The following FCHSD2 variants were observed in gnomAD, a reference collection of about 807,000 sequenced individuals.
The protein encoded by FCHSD2 is F-BAR and double SH3 domains protein 2.
In FCHSD2, 38 loss-of-function variants were observed where a neutral mutation model predicts 108.1. The ratio of observed to expected loss-of-function variants is 0.35; its 90% CI spans 0.27 to 0.46. The LOEUF (loss-of-function observed/expected upper bound fraction) is 0.46, where lower values mean the gene tolerates loss of function less well. FCHSD2 is among the 20% of genes least tolerant of loss of function. The pLI is 1.00. For missense variants in FCHSD2, 751 were observed against 897.8 expected (o/e 0.84, Z 2.09); for synonymous variants, 279 against 314.7 (o/e 0.89, Z 1.20).
At chr11:72,870,339 C>T (rs1854826608) in intron 12 of FCHSD2, among the ~76,000 whole-genome samples, 2 of 152,086 alleles carry the variant, frequency 1.3e-5, no homozygotes. Flanking sequence ...TCCTTTAAGA[C>T]TCGAGCATTG....
chr11:72,935,419 A>C (rs1856281038), intron 8 of FCHSD2, among the ~76,000 whole-genome samples: 1 of 152,226 alleles, frequency 6.6e-6, no homozygotes, highest in Non-Finnish European at 1.5e-5. Context: ...TTCTGAGAGC[A>C]ACGGGCATTT....
intron 3 of FCHSD2, among the ~76,000 whole-genome samples, chr11:73,029,321 C>T (rs377212987): frequency 3.3e-5 from 5 of 152,300 alleles, no homozygotes; most frequent in African/African-American, 1.2e-4. Flanking sequence ...CCAACCTAGA[C>T]AACAATCACA....
chr11:72,859,476 T>C (rs1350645666), intron 13 of FCHSD2, among the ~76,000 whole-genome samples: 4 of 152,240 alleles, frequency 2.6e-5, no homozygotes, highest in Non-Finnish European at 5.9e-5. Flanking sequence ...TGTTATAGTA[T>C]TCTATTTTAT....
intron 12 of FCHSD2, among the ~76,000 whole-genome samples, 176 bp from the exon 13 acceptor site, chr11:72,868,202 C>T (rs1357100741): frequency 6.6e-6 from 1 of 152,150 alleles, no homozygotes; most frequent in Non-Finnish European, 1.5e-5. Context: ...TTTGCAGGGA[C>T]ATGAATGCAG....
chr11:72,978,371 T>G (rs939578353), intron 8 of FCHSD2, among the ~76,000 whole-genome samples: 1 of 152,046 alleles, frequency 6.6e-6, no homozygotes, highest in Non-Finnish European at 1.5e-5. Context: ...AAAATCTGAA[T>G]AGACATTTCT....
intron 3 of FCHSD2, among the ~76,000 whole-genome samples, chr11:73,049,685 A>T (rs1657961781): frequency 9.4e-6 from 1 of 106,738 alleles, no homozygotes; most frequent in African/African-American, 5.6e-5. Context: ...AGAGTATAAT[A>T]AAAAAAAAAA....
At chr11:73,045,771 G>T (rs1403273710) in intron 3 of FCHSD2, among the ~76,000 whole-genome samples, 2 of 151,950 alleles carry the variant, frequency 1.3e-5, no homozygotes, top group Non-Finnish European at 2.9e-5. Flanking sequence ...ACTGTTGTGG[G>T]GTGGGGGGAG....
intron 8 of FCHSD2, among the ~76,000 whole-genome samples, chr11:72,931,392 C>A (rs1362761733): frequency 1.4e-5 from 2 of 147,384 alleles, no homozygotes; most frequent in Non-Finnish European, 3.0e-5. Flanking sequence ...CAGGTGTGAG[C>A]CACCATGCCC....
intron 2 of FCHSD2, among the ~76,000 whole-genome samples, chr11:73,099,754 C>T (rs1217225989): frequency 1.3e-5 from 2 of 152,198 alleles, no homozygotes; most frequent in African/African-American, 4.8e-5. Flanking sequence ...AGGCTGTTTC[C>T]CCGTGGTTTC....
intron 4 of FCHSD2, among the ~76,000 whole-genome samples, chr11:73,005,496 C>A (rs1053256024): frequency 2.0e-5 from 3 of 152,238 alleles, no homozygotes; most frequent in Non-Finnish European, 4.4e-5. Flanking sequence ...TCCCACCTCA[C>A]CAGCCATTCT....
chr11:72,989,218 T>C, intron 5 of FCHSD2, 121 bp from the exon 6 acceptor site: 1 of 633,424 alleles, frequency 1.6e-6, no homozygotes, highest in Non-Finnish European at 2.6e-6. Context: ...AGTCAGTACG[T>C]TCAGTGTCCT....
intron 10 of FCHSD2, among the ~76,000 whole-genome samples, chr11:72,894,179 G>A (rs185359870): frequency 6.6e-5 from 10 of 152,286 alleles, no homozygotes; most frequent in Admixed American, 6.5e-4. Context: ...TTAGGCCAAT[G>A]GCATAACATT....
chr11:73,026,005 T>G (rs1858220408), intron 3 of FCHSD2, among the ~76,000 whole-genome samples: 1 of 151,648 alleles, frequency 6.6e-6, no homozygotes, highest in Non-Finnish European at 1.5e-5. Flanking sequence ...TGTATGTATG[T>G]ATGTATGTAT....
chr11:72,877,159 G>A (rs955942499), intron 12 of FCHSD2, among the ~76,000 whole-genome samples: 1 of 151,742 alleles, frequency 6.6e-6, no homozygotes, highest in Non-Finnish European at 1.5e-5. Flanking sequence ...GCTAATTTTT[G>A]TATTTTTTGT....
chr11:73,086,990 G>A (rs1342032537), intron 2 of FCHSD2, among the ~76,000 whole-genome samples: 1 of 152,158 alleles, frequency 6.6e-6, no homozygotes, highest in Non-Finnish European at 1.5e-5. Flanking sequence ...AATTATATGA[G>A]GTCCTACAGC....
At chr11:72,959,218 G>GTATTTT (rs1565342294) in intron 8 of FCHSD2, among the ~76,000 whole-genome samples, 1 of 61,566 alleles carries the variant, frequency 1.6e-5, no homozygotes. Flanking sequence ...ATATCCAGCA[G>GTATTTT]TCTTTTTTTT....
chr11:72,967,581 A>G (rs569232219), intron 8 of FCHSD2, among the ~76,000 whole-genome samples: 35 of 152,318 alleles, frequency 2.3e-4, no homozygotes, highest in South Asian at 1.4e-3. Flanking sequence ...AGAGACAGAA[A>G]GCAGATTAGT....
At chr11:73,075,203 C>G (rs1859521307) in intron 3 of FCHSD2, among the ~76,000 whole-genome samples, 1 of 152,174 alleles carries the variant, frequency 6.6e-6, no homozygotes, top group Admixed American at 6.5e-5. Flanking sequence ...TCACTGCTCA[C>G]AGGATTGTAA....
At chr11:72,995,845 T>C (rs942107581) in intron 5 of FCHSD2, among the ~76,000 whole-genome samples, 1 of 151,934 alleles carries the variant, frequency 6.6e-6, no homozygotes, top group Non-Finnish European at 1.5e-5. Flanking sequence ...GTCCTACAAA[T>C]GATTAGGTTC....
Sources: allele counts gnomAD v4.1 joint callset (sites outside exome capture counted in the v4.1 genomes callset), GRCh38; gene constraint gnomAD v4.1.1; transcripts MANE v1.5; gene names NCBI Gene and HGNC (gene_info 2026-07-23, HGNC 2026-07-21).